SMYD3: variants seen among roughly 807,000 people sequenced by gnomAD.
SMYD3 encodes the protein SET and MYND domain containing 3, also known as histone-lysine N-methyltransferase SMYD3.
Under a neutral mutation model 57.7 loss-of-function variants are expected in SMYD3, and 36 were observed. That is an observed-to-expected ratio of 0.62 (90% CI 0.48 to 0.82). SMYD3 has a LOEUF of 0.82. SMYD3 is among the 40% of genes least tolerant of loss of function. The pLI, the probability that SMYD3 is intolerant of heterozygous loss-of-function variation, is 0.00. For missense variants in SMYD3, 515 were observed against 538.8 expected, an observed-to-expected ratio of 0.96 and a Z score of 0.44; for synonymous variants, 211 against 195.0, an observed-to-expected ratio of 1.08 and a Z score of -0.68.
At chr1:246,461,749 A>AG (rs1050955616) in intron 1 of SMYD3, among the ~76,000 whole-genome samples, 8 of 151,824 alleles carry the variant, frequency 5.3e-5, no homozygotes, top group East Asian at 1.9e-4. Flanking sequence ...AAAAAAAAAA[A>AG]AAATTAAAAT....
chr1:246,184,359 G>C (rs534074503), intron 5 of SMYD3, among the ~76,000 whole-genome samples: 7 of 152,244 alleles, frequency 4.6e-5, no homozygotes, highest in African/African-American at 1.4e-4. Context: ...ATAGGAATGG[G>C]TCAGTATAAT....
chr1:246,437,796 ACT>A (rs753149857), intron 1 of SMYD3, among the ~76,000 whole-genome samples: 4 of 152,070 alleles, frequency 2.6e-5, no homozygotes, highest in South Asian at 2.1e-4. Context: ...TATCAAGAAA[ACT>A]CTCATTATTT....
intron 2 of SMYD3, among the ~76,000 whole-genome samples, chr1:246,335,774 G>A (rs1455709248): frequency 1.3e-5 from 2 of 152,122 alleles, no homozygotes; most frequent in Admixed American, 1.3e-4. Flanking sequence ...ACTTAATAAT[G>A]TATAAGATGG....
Position 245,858,487 on chromosome 1 carries a change from G to A in SMYD3, c.1076+9C>T. The A allele has an allele frequency of 6.2e-7, 1 of 1,611,186 alleles. No individual in the cohort carries two copies. Among genetic ancestry groups the A allele is most frequent in the Non-Finnish European group, 8.5e-7 (1 of 1,178,840 alleles). On this transcript the variant is annotated intron_variant, in intron 10 of 11. Transcript: ENST00000490107. The stretch of plus-strand genomic sequence containing the variant: ...TAGCCCTTATGTCAGCCCTCTCCCT[G>A]GGACTTGCCTGTATGGCTCCATGGT...
intron 5 of SMYD3, among the ~76,000 whole-genome samples, chr1:246,318,113 T>C (rs1012932922): frequency 3.3e-5 from 5 of 152,238 alleles, no homozygotes; most frequent in Admixed American, 6.5e-5. Context: ...CCAGCTGTAG[T>C]GGCTCATGTC....
At chr1:246,103,997 C>T (rs916043986) in intron 5 of SMYD3, among the ~76,000 whole-genome samples, 4 of 152,206 alleles carry the variant, frequency 2.6e-5, no homozygotes, top group African/African-American at 9.6e-5. Context: ...TGCCCAATTA[C>T]AAATCATGAC....
In SMYD3 at chr1:246,002,642, CG is replaced by C. The variant is rs1243721681; in HGVS notation, c.532-72706del. Among the ~76,000 whole-genome samples, 4 of 122,826 alleles carry C rather than the reference CG, an allele frequency of 3.3e-5. 2 individuals are homozygous for C. Among genetic ancestry groups the C allele is most frequent in the African/African-American group, 1.2e-4 (4 of 33,878 alleles). 80.6% of individuals were successfully genotyped at this position (122,826 alleles called of 152,430 possible). On this transcript the variant is annotated intron_variant, in intron 5 of 11. Coordinates refer to ENST00000490107, the MANE Select transcript of SMYD3 (RefSeq NM_001167740.2). ...TAATTTTTTGTATTTTTAGTAGAGA[CG>C]GGGTTTCACCATGTTAGCCAGGATG...
intron 1 of SMYD3, among the ~76,000 whole-genome samples, chr1:246,404,688 G>A (rs1204514585): frequency 6.6e-6 from 1 of 151,950 alleles, no homozygotes; most frequent in African/African-American, 2.4e-5. Context: ...ACGTGATCTA[G>A]ACTTGTGCTC....
intron 5 of SMYD3, among the ~76,000 whole-genome samples, chr1:245,965,619 A>G (rs2058121752): frequency 6.6e-6 from 1 of 152,218 alleles, no homozygotes; most frequent in Non-Finnish European, 1.5e-5. Flanking sequence ...TACTAAGTGT[A>G]AGAAGCCAAT....
At chr1:246,248,808 A>ATTTTTTTTTTTT (rs1164274725) in intron 5 of SMYD3, among the ~76,000 whole-genome samples, 7 of 90,424 alleles carry the variant, frequency 7.7e-5, no homozygotes, top group South Asian at 4.7e-4. Flanking sequence ...TGCCCGGCTA[A>ATTTTTTTTTTTT]TTTTTTTTTT....
chr1:245,794,878 C>T (rs1558346758), intron 10 of SMYD3, among the ~76,000 whole-genome samples: 1 of 151,968 alleles, frequency 6.6e-6, no homozygotes, highest in Non-Finnish European at 1.5e-5. Flanking sequence ...TCCCCCAATC[C>T]CAGTGGATAT....
At chr1:246,253,035 C>A (rs2063821224) in intron 5 of SMYD3, among the ~76,000 whole-genome samples, 1 of 152,202 alleles carries the variant, frequency 6.6e-6, no homozygotes, top group Non-Finnish European at 1.5e-5. Flanking sequence ...ATTTCAATTT[C>A]AGCTCAAAAG....
At chr1:246,252,250 C>T (rs1170022447) in intron 5 of SMYD3, among the ~76,000 whole-genome samples, 1 of 150,694 alleles carries the variant, frequency 6.6e-6, no homozygotes, top group Non-Finnish European at 1.5e-5. Flanking sequence ...TTAGTAGGTG[C>T]CTCGGACACT....
intron 5 of SMYD3, among the ~76,000 whole-genome samples, chr1:246,009,044 C>T (rs1020158967): frequency 9.2e-5 from 14 of 152,100 alleles, no homozygotes; most frequent in African/African-American, 2.9e-4. Context: ...ATATGAAAAA[C>T]GGGCCTGCTA....
chr1:246,256,277 C>T (rs1410782813), intron 5 of SMYD3, among the ~76,000 whole-genome samples: 1 of 150,330 alleles, frequency 6.7e-6, no homozygotes, highest in Non-Finnish European at 1.5e-5. Context: ...TGGTGCCCAC[C>T]AGATAAGGGT....
intron 5 of SMYD3, among the ~76,000 whole-genome samples, chr1:246,078,847 T>C (rs2060589695): frequency 6.6e-6 from 1 of 152,180 alleles, no homozygotes; most frequent in Non-Finnish European, 1.5e-5. Flanking sequence ...AGGTTTCCTC[T>C]AAACAGTCAT....
chr1:245,938,775 A>G (rs1044051267), intron 5 of SMYD3, among the ~76,000 whole-genome samples: 2 of 152,294 alleles, frequency 1.3e-5, no homozygotes, highest in Non-Finnish European at 2.9e-5. Flanking sequence ...GAATACATAA[A>G]TAGTGCCATT....
At position 246,397,944 on chromosome 1, in the gene SMYD3, AGAGGG is replaced by A. The variant is rs770168802; in HGVS notation, c.165-42855_165-42851del. On this transcript the variant is annotated intron_variant, in intron 1 of 11. Transcript: ENST00000490107. ...AAAAAAAGCAAGAAAAGAAAAGAGGAGAGGGGAGGGGAGGGGAGAAAGAACAACAA... is the reference window on the plus strand; with the variant it reads ...AAAAAAAGCAAGAAAAGAAAAGAGGAGAGGGGAGGGGAGAAAGAACAACAA... 5.4e-3 allele frequency among the ~76,000 whole-genome samples: 797 copies of A among 146,258 alleles called. 11 individuals carry two copies. The highest frequency in any genetic ancestry group is 8.1e-3 in the Non-Finnish European group (539 of 66,760).
chr1:245,956,128 G>T (rs2057833320), intron 5 of SMYD3: 1 of 930,368 alleles, frequency 1.1e-6, no homozygotes, highest in Non-Finnish European at 1.3e-6. Flanking sequence ...TTGTTGCCCA[G>T]GCTGGTCTCA....
Sources: allele counts gnomAD v4.1 joint callset (sites outside exome capture counted in the v4.1 genomes callset), GRCh38; gene constraint gnomAD v4.1.1; transcripts MANE v1.5; gene names NCBI Gene and HGNC (gene_info 2026-07-23, HGNC 2026-07-21).